Variants in CNTN5 observed in about 807,000 individuals in gnomAD.
CNTN5 encodes contactin 5, also known as contactin-5.
CNTN5 carries 77 observed loss-of-function variants against 129.1 expected under a neutral mutation model. That is an observed-to-expected ratio of 0.60 (90% CI 0.50 to 0.72). The LOEUF (loss-of-function observed/expected upper bound fraction) is 0.72, where lower values mean the gene tolerates loss of function less well. Ranked by LOEUF, CNTN5 falls within the 30% of genes least tolerant of loss-of-function variation. CNTN5 has a pLI of 0.00. For missense variants in CNTN5, 1,478 were observed against 1,328.8 expected (o/e 1.11, Z -1.75); for synonymous variants, 509 against 465.6 (o/e 1.09, Z -1.20).
chr11:99,428,416 CT>C (rs1444030198), intron 2 of CNTN5, among the ~76,000 whole-genome samples: 1 of 151,744 alleles, frequency 6.6e-6, no homozygotes, highest in Non-Finnish European at 1.5e-5. Context: ...CAAAAATTAG[CT>C]GGGCTTCGTG....
At chr11:100,312,908 CA>C (rs1185595660) in intron 21 of CNTN5, among the ~76,000 whole-genome samples, 1 of 151,874 alleles carries the variant, frequency 6.6e-6, no homozygotes, top group African/African-American at 2.4e-5. Flanking sequence ...TGGGGGAAAA[CA>C]TTTTTTTTAA....
chr11:99,391,281 G>A (rs923485438), intron 2 of CNTN5, among the ~76,000 whole-genome samples: 4 of 152,088 alleles, frequency 2.6e-5, no homozygotes, highest in African/African-American at 9.7e-5. Context: ...ATACTAGATT[G>A]TTCTTTTAAT....
At chr11:99,623,758 A>AAAT (rs1480750731) in intron 3 of CNTN5, among the ~76,000 whole-genome samples, 1 of 151,828 alleles carries the variant, frequency 6.6e-6, no homozygotes, top group Non-Finnish European at 1.5e-5. Flanking sequence ...TAAAAAAAAA[A>AAAT]AGATAAAAGC....
At chr11:99,640,206 T>C (rs895599335) in intron 3 of CNTN5, among the ~76,000 whole-genome samples, 2 of 152,232 alleles carry the variant, frequency 1.3e-5, no homozygotes, top group Non-Finnish European at 2.9e-5. Context: ...ATTTCCAAAA[T>C]TGCTTCCATG....
At chr11:99,092,739 C>G (rs1472383345) in intron 1 of CNTN5, among the ~76,000 whole-genome samples, 4 of 151,808 alleles carry the variant, frequency 2.6e-5, no homozygotes, top group Non-Finnish European at 5.9e-5. Context: ...AAGCATATTA[C>G]AAAACATCAT....
chr11:99,528,901 T>TAAA lies in CNTN5; in HGVS notation c.-70-27231_-70-27229dup, dbSNP rs35945785. On this transcript the variant is annotated intron_variant, in intron 2 of 24. Transcript: ENST00000524871. Reference sequence around the variant, plus strand: ...CAACATGGAGAAACCCCGTTTCTACTAAAAAAAAAAAAAAATTGCCTGGCA... The same window carrying TAAA: ...CAACATGGAGAAACCCCGTTTCTACTAAAAAAAAAAAAAAAAAATTGCCTGGCA... Among the ~76,000 whole-genome samples, 125 of 145,532 alleles carry TAAA rather than the reference T, an allele frequency of 8.6e-4. 2 individuals carry two copies. Among genetic ancestry groups the TAAA allele is most frequent in the African/African-American group, 7.2e-4 (28 of 39,130 alleles).
chr11:99,598,351 T>TGTCTC (rs1950201599), intron 3 of CNTN5, among the ~76,000 whole-genome samples: 1 of 46,430 alleles, frequency 2.2e-5, no homozygotes, highest in Non-Finnish European at 4.2e-5. Context: ...TCTCTCTCTC[T>TGTCTC]CTCTCTCTCT....
chr11:100,095,381 A>C (rs1230543831), intron 13 of CNTN5, among the ~76,000 whole-genome samples: 3 of 150,786 alleles, frequency 2.0e-5, no homozygotes, highest in African/African-American at 7.5e-5. Flanking sequence ...TCTTTTTATA[A>C]TTGTTCTTTA....
intron 15 of CNTN5, among the ~76,000 whole-genome samples, chr11:100,216,539 G>A (rs954640345): frequency 2.0e-5 from 3 of 151,766 alleles, no homozygotes; most frequent in East Asian, 1.9e-4. Flanking sequence ...CTGAGGACAC[G>A]TCAGTTGTGG....
chr11:100,158,883 A>T (rs886806630), intron 13 of CNTN5, among the ~76,000 whole-genome samples: 14 of 151,944 alleles, frequency 9.2e-5, no homozygotes, highest in Non-Finnish European at 2.9e-5. Flanking sequence ...TCATAGCAGC[A>T]CTGTTAGCAC....
chr11:99,655,984 GTATA>G (rs1184603407), intron 3 of CNTN5, among the ~76,000 whole-genome samples: 1 of 151,860 alleles, frequency 6.6e-6, no homozygotes, highest in African/African-American at 2.4e-5. Flanking sequence ...ATGCATGTGT[GTATA>G]TATATGTGTT....
intron 1 of CNTN5, among the ~76,000 whole-genome samples, chr11:99,159,479 G>C (rs1018914521): frequency 1.3e-5 from 2 of 152,090 alleles, no homozygotes; most frequent in Non-Finnish European, 2.9e-5. Context: ...AAAAGTAGCC[G>C]GGCATAGTGG....
intron 2 of CNTN5, among the ~76,000 whole-genome samples, chr11:99,493,550 A>G (rs1457146289): frequency 6.6e-6 from 1 of 152,222 alleles, no homozygotes; most frequent in Non-Finnish European, 1.5e-5. Context: ...GCAAATATTA[A>G]TGGAGAAACT....
chr11:99,866,996 A>G (rs987877065), intron 6 of CNTN5, among the ~76,000 whole-genome samples: 3 of 152,218 alleles, frequency 2.0e-5, no homozygotes, highest in African/African-American at 7.2e-5. Context: ...TGGAAACTAT[A>G]TAAGTTAATG....
chr11:99,619,912 G>C (rs1304715857), intron 3 of CNTN5, among the ~76,000 whole-genome samples: 1 of 151,364 alleles, frequency 6.6e-6, no homozygotes, highest in Non-Finnish European at 1.5e-5. Context: ...TGTAGTCCCA[G>C]CTACTCGGAA....
Position 99,842,663 on chromosome 11 carries a change from GT to G in CNTN5, c.278-2181del, listed in dbSNP as rs75451523. 6.6e-4 allele frequency among the ~76,000 whole-genome samples: 100 copies of G among 151,684 alleles called. No individual in the cohort carries two copies. The East Asian group carries it at 0.018, about 27-fold the overall frequency. On this transcript the variant is annotated intron_variant, in intron 4 of 24. Transcript: ENST00000524871. Reference sequence around the variant, plus strand: ...TTTTAATGTGTAAAGATCAGAAAGGGTTTTTTTTCCCACAGCGTAATTCTGC... The same window carrying G: ...TTTTAATGTGTAAAGATCAGAAAGGGTTTTTTTCCCACAGCGTAATTCTGC...
chr11:99,214,910 T>A (rs1160455647), intron 1 of CNTN5, among the ~76,000 whole-genome samples: 1 of 152,112 alleles, frequency 6.6e-6, no homozygotes, highest in Non-Finnish European at 1.5e-5. Flanking sequence ...GTATTTCAAG[T>A]GATACTCAAG....
At chr11:99,849,224 T>C (rs926109865) in intron 6 of CNTN5, among the ~76,000 whole-genome samples, 5 of 151,486 alleles carry the variant, frequency 3.3e-5, no homozygotes, top group African/African-American at 1.2e-4. Flanking sequence ...ATATTAAATA[T>C]AATAAAATGT....
chr11:99,417,538 T>C (rs1235650743), intron 2 of CNTN5, among the ~76,000 whole-genome samples: 1 of 152,088 alleles, frequency 6.6e-6, no homozygotes, highest in Non-Finnish European at 1.5e-5. Context: ...TGTAAATGTG[T>C]CTTAATAGAC....
Sources: allele counts gnomAD v4.1 joint callset (sites outside exome capture counted in the v4.1 genomes callset), GRCh38; gene constraint gnomAD v4.1.1; transcripts MANE v1.5; gene names NCBI Gene and HGNC (gene_info 2026-07-23, HGNC 2026-07-21).